ATP8B1: variants seen among roughly 807,000 people sequenced by gnomAD.
ATP8B1 encodes the protein ATPase phospholipid transporting 8B1.
In ATP8B1, 80 loss-of-function variants were observed where a neutral mutation model predicts 149.9. That is an observed-to-expected ratio of 0.53 (90% CI 0.45 to 0.64). ATP8B1 has a LOEUF of 0.64. Ranked by LOEUF, ATP8B1 falls within the 30% of genes least tolerant of loss-of-function variation. The pLI is 0.00. For synonymous variants in ATP8B1, 536 were observed against 562.8 expected (o/e 0.95, Z 0.67); for missense variants, 1,247 against 1,552.6 (o/e 0.80, Z 3.31).
intron 18 of ATP8B1, chr18:57,669,108 G>C (rs1911072996): frequency 4.7e-6 from 2 of 423,348 alleles, no homozygotes; most frequent in African/African-American, 4.1e-5. Context: ...TTCTCCTAAT[G>C]TATTTTGTCT....
intron 2 of ATP8B1, among the ~76,000 whole-genome samples, chr18:57,714,678 G>A (rs886572251): frequency 1.4e-4 from 22 of 152,154 alleles, no homozygotes; most frequent in African/African-American, 5.3e-4. Flanking sequence ...GAACAAGAGT[G>A]TGGGCTTGAT....
intron 4 of ATP8B1, among the ~76,000 whole-genome samples, chr18:57,703,709 A>G (rs942572237): frequency 1.3e-5 from 2 of 152,180 alleles, no homozygotes; most frequent in African/African-American, 4.8e-5. Flanking sequence ...GGTTACAGCA[A>G]CAGTTCTTGC....
At position 57,688,494 on chromosome 18, in the gene ATP8B1, G is replaced by A. The variant is rs760934663; in HGVS notation, c.1234C>T (p.Arg412Cys). ...TTGATGAAGTGACTCTGTCCAAGAC[G>A]AATCACTTCCACGCTAGGAAGACAG... is the stretch of plus-strand genomic sequence containing the variant. ...ISLYVSVEVIRLGQSHFINWD... is the reference protein window; with the variant it reads ...ISLYVSVEVICLGQSHFINWD... Residue 412 changes from arginine to cysteine, a missense_variant, in exon 13 of 28, where the codon CGT becomes TGT. Around this residue, in one of 3 missense-constraint regions of ATP8B1, gnomAD observed 853 missense variants for 1,035.7 expected, o/e 0.82. Coordinates refer to ENST00000648908, the MANE Select transcript of ATP8B1 (RefSeq NM_001374385.1). 5 of 1,614,138 alleles carry A rather than the reference G, an allele frequency of 3.1e-6. No homozygotes were observed. Among genetic ancestry groups the A allele is most frequent in the South Asian group, 2.2e-5 (2 of 91,072 alleles).
intron 1 of ATP8B1, among the ~76,000 whole-genome samples, chr18:57,771,965 TATA>T (rs1261106838): frequency 6.6e-6 from 1 of 152,232 alleles, no homozygotes; most frequent in Non-Finnish European, 1.5e-5. Flanking sequence ...CAGACATCTC[TATA>T]ATGTTTATAC....
chr18:57,662,089 A>C (rs1026286419), intron 21 of ATP8B1, among the ~76,000 whole-genome samples: 1 of 152,184 alleles, frequency 6.6e-6, no homozygotes, highest in African/African-American at 2.4e-5. Context: ...CTATTCATTC[A>C]CAAGTGTGAT....
chr18:57,705,480 G>A (rs759059216), intron 3 of ATP8B1, among the ~76,000 whole-genome samples: 1 of 152,212 alleles, frequency 6.6e-6, no homozygotes, highest in African/African-American at 2.4e-5. Flanking sequence ...GAAGTCATAC[G>A]TGATTAGGAC....
At chr18:57,797,808 G>A (rs1470021571) in intron 1 of ATP8B1, among the ~76,000 whole-genome samples, 1 of 144,912 alleles carries the variant, frequency 6.9e-6, no homozygotes, top group Non-Finnish European at 1.5e-5. Context: ...CCAGGCTCAA[G>A]CAATTCTCCT....
chr18:57,742,507 G>GA (rs2079925294), intron 1 of ATP8B1, among the ~76,000 whole-genome samples: 1 of 152,074 alleles, frequency 6.6e-6, no homozygotes, highest in African/African-American at 2.4e-5. Context: ...CTATTCCTCA[G>GA]AAAATCCGCC....
chr18:57,683,324 A>G (rs1337932313), intron 15 of ATP8B1, among the ~76,000 whole-genome samples: 2 of 152,186 alleles, frequency 1.3e-5, no homozygotes, highest in Non-Finnish European at 2.9e-5. Context: ...ACACCAAAAG[A>G]ACTCCTTTTG....
At chr18:57,665,569 T>C (rs1444514876) in intron 20 of ATP8B1, among the ~76,000 whole-genome samples, 2 of 152,150 alleles carry the variant, frequency 1.3e-5, no homozygotes, top group Non-Finnish European at 2.9e-5. Context: ...CTTTTTTTTT[T>C]TGAGACGGAG....
intron 2 of ATP8B1, among the ~76,000 whole-genome samples, chr18:57,726,131 G>A (rs1007383430): frequency 3.9e-5 from 6 of 152,204 alleles, no homozygotes; most frequent in Non-Finnish European, 7.3e-5. Context: ...GGGAGGCTGA[G>A]GCAAGGGAAT....
At position 57,802,688 on chromosome 18, in the gene ATP8B1, C is replaced by A. The variant is rs942406353; in HGVS notation, c.-26+310G>T. On this transcript the variant is annotated intron_variant, in intron 1 of 27. Coordinates refer to ENST00000648908, the MANE Select transcript of ATP8B1 (RefSeq NM_001374385.1). The surrounding 1 kb of genome is among the most constrained non-coding windows in gnomAD (Gnocchi z 4.9). ...TGGCTTAACCCCCGGACATGTGTGTCGCTACCGATCGAAGAACCCAAACAC... is the reference window on the plus strand; with the variant it reads ...TGGCTTAACCCCCGGACATGTGTGTAGCTACCGATCGAAGAACCCAAACAC... 6.6e-6 allele frequency among the ~76,000 whole-genome samples: 1 copy of A among 152,246 alleles called. No individual in the cohort carries two copies. Among genetic ancestry groups the A allele is most frequent in the Non-Finnish European group, 1.5e-5 (1 of 68,036 alleles).
Position 57,655,298 on chromosome 18 carries a change from AC to A in ATP8B1, c.2826del (p.Trp942CysfsTer4). ...LQRLLLVHGR[W>X]SYIRMCKFLR... Reference sequence around the variant, plus strand: ...AGGAACTTGCACATCCTTATGTAAGACCATCGGCCATGCACCAGCAGTAGCC... The same window carrying A: ...AGGAACTTGCACATCCTTATGTAAGACATCGGCCATGCACCAGCAGTAGCC... On this transcript the variant is annotated frameshift_variant, in exon 23 of 28. Coordinates refer to ENST00000648908, the MANE Select transcript of ATP8B1 (RefSeq NM_001374385.1). LOFTEE classifies it high-confidence loss of function. 1 of 1,614,210 alleles carries A rather than the reference AC, an allele frequency of 6.2e-7. No homozygotes were observed. The highest frequency in any genetic ancestry group is 8.5e-7 in the Non-Finnish European group (1 of 1,180,016).
rs2571226 is a variant in ATP8B1 at position 57,783,916 on chromosome 18, G to A, written c.-26+19082C>T. ...TCTCCTCTACCATACATCGAAGGGC[G>A]CATGGTGACAGAGCTGTTGTCATTT... is the stretch of plus-strand genomic sequence containing the variant. On this transcript the variant is annotated intron_variant, in intron 1 of 27. Coordinates refer to ENST00000648908, the MANE Select transcript of ATP8B1 (RefSeq NM_001374385.1). Among the ~76,000 whole-genome samples the A allele has an allele frequency of 6.2e-3, 946 of 152,246 alleles. 10 individuals carry two copies. Among genetic ancestry groups the A allele is most frequent in the African/African-American group, 0.021 (888 of 41,542 alleles).
chr18:57,763,249 G>A (rs1223236100), intron 1 of ATP8B1, among the ~76,000 whole-genome samples: 1 of 152,058 alleles, frequency 6.6e-6, no homozygotes, highest in Admixed American at 6.6e-5. Flanking sequence ...AAAATCAGCC[G>A]GGCTTGGTGG....
At chr18:57,759,283 C>T (rs1056452259) in intron 1 of ATP8B1, among the ~76,000 whole-genome samples, 2 of 151,758 alleles carry the variant, frequency 1.3e-5, no homozygotes, top group African/African-American at 4.8e-5. Flanking sequence ...TCTAGCTTTC[C>T]TTTAAAGACT....
Position 57,647,725 on chromosome 18 carries a change from A to G in ATP8B1, c.*763T>C, listed in dbSNP as rs1289126027. On this transcript the variant is annotated 3_prime_UTR_variant, in exon 28 of 28. Transcript: ENST00000648908. The stretch of plus-strand genomic sequence containing the variant: ...AACCATAATGTACATAACCAGTTGA[A>G]TAATAGGACTTTTATTATTATTAAA... 2.0e-5 allele frequency: 3 copies of G among 153,550 alleles called. No individual in the cohort carries two copies. 9.5% of individuals were successfully genotyped at this position (153,550 alleles called of 1,614,324 possible).
At chr18:57,762,550 A>T in intron 1 of ATP8B1, among the ~76,000 whole-genome samples, 1 of 152,194 alleles carries the variant, frequency 6.6e-6, no homozygotes, top group East Asian at 1.9e-4. Context: ...CACACATGGT[A>T]CCTAGTTGAA....
intron 4 of ATP8B1, among the ~76,000 whole-genome samples, chr18:57,701,934 G>A (rs1405127197): frequency 6.6e-6 from 1 of 152,118 alleles, no homozygotes; most frequent in Non-Finnish European, 1.5e-5. Flanking sequence ...CTGACCTCAG[G>A]CAATCCTCCT....
Sources: allele counts gnomAD v4.1 joint callset (sites outside exome capture counted in the v4.1 genomes callset), GRCh38; gene constraint gnomAD v4.1.1; regional missense constraint gnomAD v4.1.1; non-coding constraint Gnocchi (gnomAD v3.1); transcripts MANE v1.5; gene names NCBI Gene and HGNC (gene_info 2026-07-23, HGNC 2026-07-21).